The following MON1A variants were observed in gnomAD, a reference collection of about 807,000 sequenced individuals.
MON1A encodes MON1 vesicular trafficking associated A, also known as vacuolar fusion protein MON1 homolog A.
In MON1A, 29 loss-of-function variants were observed where a neutral mutation model predicts 44.6. The observed-to-expected ratio is 0.65, with a 90% confidence interval of 0.48 to 0.89. The LOEUF is 0.89. Ranked by LOEUF, MON1A falls within the 40% of genes least tolerant of loss-of-function variation. The probability of loss-of-function intolerance (pLI) is 0.00; values close to 1 mark genes in which losing one functional copy is unlikely to be tolerated. For synonymous variants in MON1A, 275 were observed against 316.4 expected (o/e 0.87, Z 1.39); for missense variants, 615 against 759.6 (o/e 0.81, Z 2.24).
intron 1 of MON1A, among the ~76,000 whole-genome samples, 194 bp from the exon 2 acceptor site, chr3:49,913,553 T>C (rs1009709460): frequency 3.3e-5 from 5 of 151,540 alleles, no homozygotes; most frequent in Non-Finnish European, 1.5e-5. Flanking sequence ...GACATATTCA[T>C]TGTAAAAAAA....
At position 49,910,188 on chromosome 3, in the gene MON1A, A is replaced by G. The variant is rs1355481724; in HGVS notation, c.1310T>C (p.Val437Ala). ...CAGGTCAGGGATGCCCACTTGGGCAACGCTGTAGTAGGGTGTGCGCAGTGC... is the reference window on the plus strand; with the variant it reads ...CAGGTCAGGGATGCCCACTTGGGCAGCGCTGTAGTAGGGTGTGCGCAGTGC... ...REALRTPYYSVAQVGIPDLRH... is the reference protein window; with the variant it reads ...REALRTPYYSAAQVGIPDLRH... Residue 437 changes from valine to alanine, a missense_variant, in exon 4 of 6, where the codon GTT becomes GCT. Coordinates refer to ENST00000296473, the MANE Select transcript of MON1A (RefSeq NM_032355.4). The surrounding 1 kb of genome is among the most constrained non-coding windows in gnomAD (Gnocchi z 8.0). 1 of 1,612,722 alleles carries G rather than the reference A, an allele frequency of 6.2e-7. No homozygotes were observed. Among genetic ancestry groups the G allele is most frequent in the Non-Finnish European group, 8.5e-7 (1 of 1,178,984 alleles).
At chr3:49,925,806 C>T (rs1327398978) in intron 1 of MON1A, among the ~76,000 whole-genome samples, 2 of 152,200 alleles carry the variant, frequency 1.3e-5, no homozygotes, top group Non-Finnish European at 2.9e-5. Flanking sequence ...TTTCATGAAA[C>T]AGATTACTGA....
At chr3:49,923,305 C>G (rs1437458018) in intron 1 of MON1A, among the ~76,000 whole-genome samples, 1 of 121,030 alleles carries the variant, frequency 8.3e-6, no homozygotes, top group Non-Finnish European at 1.6e-5. Context: ...GCACTCCACC[C>G]TGGGTGACAC....
intron 2 of MON1A, chr3:49,912,357 C>T (rs1052425674): frequency 9.4e-6 from 2 of 211,830 alleles, no homozygotes; most frequent in Non-Finnish European, 1.9e-5. Flanking sequence ...CCACCTGCCT[C>T]AGGAGCTCCA....
chr3:49,918,701 C>T (rs1379807358), intron 1 of MON1A, among the ~76,000 whole-genome samples: 4 of 152,066 alleles, frequency 2.6e-5, no homozygotes, highest in Non-Finnish European at 5.9e-5. Flanking sequence ...CATGAGCCAC[C>T]GTGCCTGGCC....
rs950784343 is a variant in MON1A, at chr3:49,910,721, C to T, written c.777G>A (p.Lys259=). The T allele has an allele frequency of 1.9e-6, 3 of 1,613,798 alleles. No homozygotes were observed. Among genetic ancestry groups the T allele is most frequent in the South Asian group, 2.2e-5 (2 of 90,980 alleles). Residue 259 remains lysine (K), a synonymous_variant, in exon 4 of 6, where the codon AAG becomes AAA. Transcript: ENST00000296473. The surrounding 1 kb of genome is among the most constrained non-coding windows in gnomAD (Gnocchi z 8.0). ...GAQLSHIFQQ[K]QNYDLRRLLS... The stretch of plus-strand genomic sequence containing the variant: ...GTAGGCGCCGCAAATCATAGTTCTG[C>T]TTCTGCTGGAAGATGTGGCTCAGCT...
chr3:49,928,652 C>G (rs1412775023), intron 1 of MON1A, among the ~76,000 whole-genome samples: 1 of 152,142 alleles, frequency 6.6e-6, no homozygotes, highest in East Asian at 1.9e-4. Context: ...GATAGCACTT[C>G]ATTTCACCTT....
In MON1A at chr3:49,929,608, C is replaced by G; in HGVS notation, c.-14+1G>C. The G allele has an allele frequency of 6.4e-7, 1 of 1,551,558 alleles. No individual in the cohort carries two copies. The highest frequency in any genetic ancestry group is 8.7e-7 in the Non-Finnish European group (1 of 1,146,938). Reference sequence around the variant, plus strand: ...GCCACGTGGGCTGGCAGTCAACTCACCTGTTTCTCAGAGGAGTCCAGGACG... The same window carrying G: ...GCCACGTGGGCTGGCAGTCAACTCAGCTGTTTCTCAGAGGAGTCCAGGACG... On this transcript the variant is annotated splice_donor_variant, in intron 1 of 5. Coordinates refer to ENST00000296473, the MANE Select transcript of MON1A (RefSeq NM_032355.4). LOFTEE classifies it low-confidence loss of function (5UTR_SPLICE).
intron 1 of MON1A, among the ~76,000 whole-genome samples, chr3:49,928,684 T>A (rs2083071038): frequency 6.6e-6 from 1 of 152,110 alleles, no homozygotes; most frequent in Non-Finnish European, 1.5e-5. Flanking sequence ...GCGGCCTGTC[T>A]GGAAAGGAGG....
chr3:49,910,543 C>A lies in MON1A; in HGVS notation c.955G>T (p.Val319Phe), dbSNP rs1176198698. The change falls in exon 4 of 6, where the codon GTC (valine) becomes TTC (phenylalanine). Residue 319 changes from valine to phenylalanine, a missense_variant. Coordinates refer to ENST00000296473, the MANE Select transcript of MON1A (RefSeq NM_032355.4). This position sits in a 1 kb window ranked among gnomAD's most constrained non-coding sequence, Gnocchi z 8.0. Reference sequence around the variant, plus strand: ...TTGCGGGCCAGCAGGATGGAGAAGACCAGGCTGCGCGCACGCGCCTGCTGC... The same window carrying A: ...TTGCGGGCCAGCAGGATGGAGAAGAACAGGCTGCGCGCACGCGCCTGCTGC... ...SLQQARARSLVFSILLARNQL... is the reference protein window; with the variant it reads ...SLQQARARSLFFSILLARNQL... 6.2e-7 allele frequency: 1 copy of A among 1,613,350 alleles called. No individual in the cohort carries two copies. Among genetic ancestry groups the A allele is most frequent in the East Asian group, 2.2e-5 (1 of 44,834 alleles).
chr3:49,916,083 G>A (rs1179707774), intron 1 of MON1A: 2 of 152,280 alleles, frequency 1.3e-5, no homozygotes, highest in Non-Finnish European at 2.9e-5. Flanking sequence ...GGAGGCACTG[G>A]TGTTAGTGTG....
In MON1A at chr3:49,910,547, G is replaced by A. The variant is rs2082864632; in HGVS notation, c.951C>T (p.Ser317=). Reference sequence around the variant, plus strand: ...GGGCCAGCAGGATGGAGAAGACCAGGCTGCGCGCACGCGCCTGCTGCAGGC... The same window carrying A: ...GGGCCAGCAGGATGGAGAAGACCAGACTGCGCGCACGCGCCTGCTGCAGGC... The part of the protein sequence containing the change: ...SASLQQARAR[S]LVFSILLARN... Residue 317 remains serine, a synonymous_variant, in exon 4 of 6, where the codon AGC becomes AGT. Transcript: ENST00000296473. This position sits in a 1 kb window ranked among gnomAD's most constrained non-coding sequence, Gnocchi z 8.0. The A allele has an allele frequency of 6.2e-7, 1 of 1,613,212 alleles. No individual in the cohort carries two copies. The highest frequency in any genetic ancestry group is 2.2e-5 in the East Asian group (1 of 44,830).
In MON1A at chr3:49,913,214, C is replaced by T; in HGVS notation, c.127+6G>A. On this transcript the variant is annotated splice_donor_region_variant and intron_variant, in intron 2 of 5. Coordinates refer to ENST00000296473, the MANE Select transcript of MON1A (RefSeq NM_032355.4). ...CAGCTGGCTGAGGCTGTACACTTGC[C>T]CATACCTGGCTCCATTCCCTGGGCC... The T allele has an allele frequency of 6.2e-7, 1 of 1,614,240 alleles. No individual in the cohort carries two copies.
rs1559492038 is a variant in MON1A, at chr3:49,911,250, T to TAGATAGATAGATAGATAGATAGA, written c.613+275_613+276insTCTATCTATCTATCTATCTATCT. Among the ~76,000 whole-genome samples the TAGATAGATAGATAGATAGATAGA allele has an allele frequency of 4.0e-5, 4 of 99,794 alleles. No homozygotes were observed. Among genetic ancestry groups the TAGATAGATAGATAGATAGATAGA allele is most frequent in the African/African-American group, 1.4e-4 (4 of 28,124 alleles). The allele number at this position is 99,794 out of a possible 152,430, so 65.5% of individuals were successfully genotyped here. A position where few individuals can be genotyped will look rare whatever the true frequency, so the allele number is the denominator to read the frequency against. On this transcript the variant is annotated intron_variant, in intron 3 of 5. Transcript: ENST00000296473. The surrounding 1 kb of genome is among the most constrained non-coding windows in gnomAD (Gnocchi z 5.7). ...GATAGATAGATAGATAGATAGAGTTTGTTGTTGTTGTTGTTGTTGCCTCCC... is the reference window on the plus strand; with the variant it reads ...GATAGATAGATAGATAGATAGAGTTTAGATAGATAGATAGATAGATAGAGTTGTTGTTGTTGTTGTTGCCTCCC...
At chr3:49,929,473 A>G in intron 1 of MON1A, 136 bp downstream of exon 1, 2 of 999,144 alleles carry the variant, frequency 2.0e-6, no homozygotes, top group Non-Finnish European at 3.0e-6. Context: ...GAGGGACCGC[A>G]GGGAGACACA....
At chr3:49,929,114 CG>C (rs2083073621) in intron 1 of MON1A, among the ~76,000 whole-genome samples, 1 of 152,124 alleles carries the variant, frequency 6.6e-6, no homozygotes, top group African/African-American at 2.4e-5. Flanking sequence ...CCCAGCTACT[CG>C]GGAGGCTGAG....
intron 1 of MON1A, among the ~76,000 whole-genome samples, chr3:49,925,257 G>A (rs900278087): frequency 1.3e-5 from 2 of 151,996 alleles, no homozygotes; most frequent in African/African-American, 4.8e-5. Context: ...TGGGACCACA[G>A]GCATGTGCCA....
At chr3:49,924,454 T>A in intron 1 of MON1A, 1 of 237,962 alleles carries the variant, frequency 4.2e-6, no homozygotes, top group Non-Finnish European at 8.9e-6. Flanking sequence ...CAGGATGGGC[T>A]GATCACTTGA....
At position 49,908,984 on chromosome 3, in the gene MON1A, C is replaced by T. The variant is rs201520609; in HGVS notation, c.*30G>A. ...CTATGGCTTCCCACACCTAGTGTGTCCAGGAAGGCTGAGCCCGCACACATT... is the reference window on the plus strand; with the variant it reads ...CTATGGCTTCCCACACCTAGTGTGTTCAGGAAGGCTGAGCCCGCACACATT... On this transcript the variant is annotated 3_prime_UTR_variant, in exon 6 of 6. Coordinates refer to ENST00000296473, the MANE Select transcript of MON1A (RefSeq NM_032355.4). 2 of 1,591,962 alleles carry T rather than the reference C, an allele frequency of 1.3e-6. No individual in the cohort carries two copies. The highest frequency in any genetic ancestry group is 3.4e-5 in the Admixed American group (2 of 58,244).
Sources: gnomAD v4.1 joint callset for allele counts (sites outside exome capture counted in the v4.1 genomes callset) on GRCh38, gnomAD v4.1.1 for gene constraint, Gnocchi (gnomAD v3.1) non-coding constraint, MANE v1.5 for transcripts, NCBI Gene and HGNC (gene_info 2026-07-23, HGNC 2026-07-21) for gene names.